Variants in SUPT7L observed in about 807,000 individuals in gnomAD.
SUPT7L encodes the protein STAGA complex 65 subunit gamma.
Under a neutral mutation model 35.7 loss-of-function variants are expected in SUPT7L, and 15 were observed. The observed-to-expected ratio is 0.42, with a 90% CI of 0.28 to 0.65. The LOEUF (loss-of-function observed/expected upper bound fraction) is 0.65. Among genes scored for constraint, SUPT7L ranks in the 30% least tolerant of loss-of-function variants. SUPT7L has a pLI of 0.23. For synonymous variants in SUPT7L, 168 were observed against 186.2 expected (o/e 0.90, Z 0.79); for missense variants, 434 against 522.2 (o/e 0.83, Z 1.65).
Position 27,661,092 on chromosome 2 carries a change from G to A in SUPT7L, c.311C>T (p.Ser104Leu), listed in dbSNP as rs531573550. ...VKTEESEPLP[S>L]CPGSPPLPDD... ...AGGGAGAGGAGGTGACCCAGGGCACGAGGGAAGAGGTTCACTCTCTTCAGT... is the reference window on the plus strand; with the variant it reads ...AGGGAGAGGAGGTGACCCAGGGCACAAGGGAAGAGGTTCACTCTCTTCAGT... The change falls in exon 3 of 6, where the codon TCG (serine) becomes TTG (leucine). Residue 104 changes from serine to leucine, a missense_variant. Transcript: ENST00000337768. The A allele has an allele frequency of 8.7e-6, 14 of 1,614,166 alleles. No homozygotes were observed. The highest frequency in any genetic ancestry group is 3.3e-5 in the South Asian group (3 of 91,080).
intron 1 of SUPT7L, 123 bp from the exon 2 acceptor site, chr2:27,662,404 C>T: frequency 1.8e-6 from 1 of 543,150 alleles, no homozygotes; most frequent in South Asian, 2.3e-5. Flanking sequence ...GGTGAAATGA[C>T]TACCTTTGTT....
In SUPT7L at chr2:27,661,169, G is replaced by A. The variant is rs1395490160; in HGVS notation, c.234C>T (p.Asn78=). The A allele has an allele frequency of 6.2e-7, 1 of 1,614,178 alleles. No individual in the cohort carries two copies. The change falls in exon 3 of 6, where the codon AAC becomes AAT. Residue 78 remains asparagine, a synonymous_variant. Transcript: ENST00000337768. ...QLIQHNRRLR[N]LIATAQAQNQ... ...TCTGGGCCTGAGCTGTGGCAATAAGGTTGCGAAGACGTCGGTTGTGCTGAA... is the reference window on the plus strand; with the variant it reads ...TCTGGGCCTGAGCTGTGGCAATAAGATTGCGAAGACGTCGGTTGTGCTGAA...
In SUPT7L at chr2:27,661,253, G is replaced by C. The variant is rs370287900; in HGVS notation, c.150C>G (p.Pro50=). 6.2e-7 allele frequency: 1 copy of C among 1,613,482 alleles called. No homozygotes were observed. Among genetic ancestry groups the C allele is most frequent in the Non-Finnish European group, 8.5e-7 (1 of 1,179,582 alleles). ...GCTCTGAGGGGATGTCCAGCATAGTGGGGGGCTTCGGCTTGTTGGCTGAGG... is the reference window on the plus strand; with the variant it reads ...GCTCTGAGGGGATGTCCAGCATAGTCGGGGGCTTCGGCTTGTTGGCTGAGG... The part of the protein sequence containing the change: ...HQPSANKPKP[P]TMLDIPSEPC... Residue 50 remains proline (P), a synonymous_variant, in exon 3 of 6, where the codon CCC becomes CCG. Transcript: ENST00000337768.
chr2:27,661,505 C>A, intron 2 of SUPT7L, 117 bp from the exon 3 acceptor site: 2 of 1,510,540 alleles, frequency 1.3e-6, no homozygotes, highest in Non-Finnish European at 1.8e-6. Context: ...GTGAAAAATA[C>A]GAGGTCTAGC....
chr2:27,656,806 T>C (rs1181771226), intron 4 of SUPT7L, among the ~76,000 whole-genome samples: 2 of 152,036 alleles, frequency 1.3e-5, no homozygotes, highest in African/African-American at 4.8e-5. Flanking sequence ...CTAATTTTTA[T>C]TTTTTAATTT....
At chr2:27,663,245 TAACTA>T (rs1188542241) in intron 1 of SUPT7L, 79 bp downstream of exon 1, 1 of 162,588 alleles carries the variant, frequency 6.2e-6, no homozygotes, top group Non-Finnish European at 1.4e-5. Context: ...CTTAACCACT[TAACTA>T]TTCTGCCTTA....
At chr2:27,661,620 A>G (rs1211645506) in intron 2 of SUPT7L, 1 of 1,382,046 alleles carries the variant, frequency 7.2e-7, no homozygotes, top group Non-Finnish European at 9.3e-7. Context: ...ATTAAGAGAA[A>G]TGTAACTGTT....
At chr2:27,653,870 T>TCCAGCCAAGTACAGAATCAGA in intron 5 of SUPT7L, 123 bp from the exon 6 acceptor site, 2 of 1,247,686 alleles carry the variant, frequency 1.6e-6, no homozygotes, top group Non-Finnish European at 2.2e-6. Context: ...ACTCTGATTC[T>TCCAGCCAAGTACAGAATCAGA]GTACTTGGCT....
At chr2:27,645,479 G>T in the SUPT7L span, among the ~76,000 whole-genome samples, 1 of 152,016 alleles carries the variant, frequency 6.6e-6, no homozygotes, top group Non-Finnish European at 1.5e-5. Context: ...TGGTATTTTA[G>T]TTGGGATTAC....
At chr2:27,656,200 C>A (rs1410876895) in intron 4 of SUPT7L, among the ~76,000 whole-genome samples, 2 of 152,076 alleles carry the variant, frequency 1.3e-5, no homozygotes, top group African/African-American at 4.8e-5. Flanking sequence ...GGTGAATAAT[C>A]AATGGTGTGG....
chr2:27,657,660 C>T lies in SUPT7L; in HGVS notation c.429G>A (p.Gly143=). ...GCCAGCTGAGTTCAGTCACAGGTTC[C>T]CCTTTCCCACTGAAAGTGGAGATAC... ...DPESDFYRGK[G]EPVTELSWHS... is the part of the protein sequence containing the mutation. The change falls in exon 4 of 6, where the codon GGG becomes GGA. Residue 143 remains glycine, a synonymous_variant. Coordinates refer to ENST00000337768, the MANE Select transcript of SUPT7L (RefSeq NM_014860.3). This position sits in a 1 kb window ranked among gnomAD's most constrained non-coding sequence, Gnocchi z 5.2. The T allele has an allele frequency of 6.2e-7, 1 of 1,610,948 alleles. No homozygotes were observed. Among genetic ancestry groups the T allele is most frequent in the South Asian group, 1.1e-5 (1 of 90,984 alleles).
intron 5 of SUPT7L, 114 bp from the exon 6 acceptor site, chr2:27,653,861 C>T: frequency 7.4e-7 from 1 of 1,342,716 alleles, no homozygotes; most frequent in Non-Finnish European, 1.0e-6. Context: ...TCAGTTTTCA[C>T]TCTGATTCTG....
At chr2:27,655,814 G>A (rs1674777695) in intron 4 of SUPT7L, among the ~76,000 whole-genome samples, 1 of 152,162 alleles carries the variant, frequency 6.6e-6, no homozygotes. Flanking sequence ...GAATGTGTAT[G>A]TCATTAATTA....
Position 27,661,282 on chromosome 2 carries a change from G to T in SUPT7L, c.121C>A (p.Gln41Lys). ...GGCTTCGGCTTGTTGGCTGAGGGTT[G>T]GTGCAGGGGTGGGTCATGGACTTCC... Reference protein sequence around the residue: ...LVEVHDPPLHQPSANKPKPPT... With the variant: ...LVEVHDPPLHKPSANKPKPPT... The change falls in exon 3 of 6, where the codon CAA (glutamine) becomes AAA (lysine). Residue 41 changes from glutamine (Q) to lysine (K), a missense_variant. Around this residue, in one of 3 missense-constraint regions of SUPT7L, gnomAD observed 77 missense variants for 114.4 expected, o/e 0.67. Transcript: ENST00000337768. 2 of 1,613,700 alleles carry T rather than the reference G, an allele frequency of 1.2e-6. No homozygotes were observed. Among genetic ancestry groups the T allele is most frequent in the Non-Finnish European group, 1.7e-6 (2 of 1,179,774 alleles).
chr2:27,661,849 A>G (rs1558502137), intron 2 of SUPT7L: 1 of 417,378 alleles, frequency 2.4e-6, no homozygotes, highest in Non-Finnish European at 4.3e-6. Context: ...TGCTGGATCA[A>G]TAGGAGAAAA....
chr2:27,662,816 G>T (rs1286036095), intron 1 of SUPT7L, among the ~76,000 whole-genome samples: 1 of 152,060 alleles, frequency 6.6e-6, no homozygotes, highest in Non-Finnish European at 1.5e-5. Context: ...GTTTCACTCT[G>T]TAGCCCAGGC....
downstream of SUPT7L, chr2:27,650,141 G>A (rs1401319260): frequency 1.2e-6 from 2 of 1,606,712 alleles, no homozygotes; most frequent in East Asian, 2.2e-5. Context: ...TGAAGAGCCA[G>A]CATTCCAGAA....
At chr2:27,662,640 C>A (rs1192697102) in intron 1 of SUPT7L, among the ~76,000 whole-genome samples, 2 of 152,204 alleles carry the variant, frequency 1.3e-5, no homozygotes, top group Non-Finnish European at 2.9e-5. Context: ...CAGCAGTTAT[C>A]CTTGGATTTT....
At chr2:27,659,930 T>C (rs1197144683) in intron 3 of SUPT7L, among the ~76,000 whole-genome samples, 1 of 152,138 alleles carries the variant, frequency 6.6e-6, no homozygotes, top group Non-Finnish European at 1.5e-5. Context: ...TTCTGTAGGT[T>C]TGGCAAATTT....
Sources: allele counts gnomAD v4.1 joint callset (sites outside exome capture counted in the v4.1 genomes callset), GRCh38; gene constraint gnomAD v4.1.1; regional missense constraint gnomAD v4.1.1; non-coding constraint Gnocchi (gnomAD v3.1); transcripts MANE v1.5; gene names NCBI Gene and HGNC (gene_info 2026-07-23, HGNC 2026-07-21).